Variants in ARMH4 observed in about 807,000 individuals in gnomAD.
ARMH4 encodes armadillo like helical domain containing 4, also known as armadillo-like helical domain-containing protein 4.
A neutral mutation model predicts 61.9 loss-of-function variants in ARMH4; 49 were observed. The observed-to-expected ratio is 0.79, with a 90% CI of 0.63 to 1.00. The LOEUF is 1.00. Ranked by LOEUF, ARMH4 falls within the 50% of genes least tolerant of loss-of-function variation. The pLI is 0.00. For missense variants in ARMH4, 934 were observed against 930.0 expected (o/e 1.00, Z -0.06); for synonymous variants, 368 against 341.5 (o/e 1.08, Z -0.85).
intron 5 of ARMH4, among the ~76,000 whole-genome samples, chr14:58,046,758 G>A (rs866115322): frequency 6.6e-5 from 10 of 152,128 alleles, no homozygotes; most frequent in Non-Finnish European, 8.8e-5. Flanking sequence ...ATCTTGCCCA[G>A]GTTTGAGAAA....
intron 5 of ARMH4, among the ~76,000 whole-genome samples, chr14:58,022,888 T>C (rs1882890761): frequency 6.6e-6 from 1 of 152,202 alleles, no homozygotes; most frequent in Non-Finnish European, 1.5e-5. Context: ...GTCACACAAA[T>C]TTTTTGGTTT....
intron 6 of ARMH4, among the ~76,000 whole-genome samples, chr14:58,010,062 T>C (rs1049593341): frequency 1.3e-5 from 2 of 152,212 alleles, no homozygotes; most frequent in African/African-American, 4.8e-5. Flanking sequence ...CAGAGTGTCC[T>C]GGCTTGCCTG....
intron 1 of ARMH4, among the ~76,000 whole-genome samples, chr14:58,140,514 G>T (rs1887501923): frequency 6.6e-6 from 1 of 152,108 alleles, no homozygotes; most frequent in Admixed American, 6.6e-5. Flanking sequence ...CTGGGAGGCA[G>T]AGGTTGCAGT....
intron 4 of ARMH4, among the ~76,000 whole-genome samples, chr14:58,111,992 C>T (rs2141288362): frequency 6.6e-6 from 1 of 152,280 alleles, no homozygotes; most frequent in East Asian, 1.9e-4. Flanking sequence ...CCCCTCCCAG[C>T]CCTCTTTCTC....
At chr14:58,051,473 T>C (rs779164361) in intron 5 of ARMH4, among the ~76,000 whole-genome samples, 8 of 152,184 alleles carry the variant, frequency 5.3e-5, no homozygotes, top group Admixed American at 2.0e-4. Context: ...TACTGAATGT[T>C]CAACTGATGG....
In ARMH4 at chr14:58,138,626, T is replaced by C; in HGVS notation, c.733A>G (p.Ser245Gly). 1 of 1,614,214 alleles carries C rather than the reference T, an allele frequency of 6.2e-7. No homozygotes were observed. The highest frequency in any genetic ancestry group is 8.5e-7 in the Non-Finnish European group (1 of 1,180,012). The change falls in exon 2 of 8, where the codon AGT becomes GGT. Residue 245 changes from serine to glycine, a missense_variant. Coordinates refer to ENST00000267485, the MANE Select transcript of ARMH4 (RefSeq NM_001001872.4). The part of the protein sequence containing the change: ...SFPGAESTAG[S>G]EPGSLTPDKE... ...TCAGGGGTGAGGCTTCCAGGCTCACTGCCTGCTGTGGACTCAGCACCAGGA... is the reference window on the plus strand; with the variant it reads ...TCAGGGGTGAGGCTTCCAGGCTCACCGCCTGCTGTGGACTCAGCACCAGGA...
chr14:58,030,468 T>C lies in ARMH4; in HGVS notation c.2090-18318A>G, dbSNP rs557953364. On this transcript the variant is annotated intron_variant, in intron 5 of 7. Transcript: ENST00000267485. ...TCCCAATTTTTTTATCGTGGTAATA[T>C]ACACGTGACATAGAAATGACCATCT... Among the ~76,000 whole-genome samples, 6 of 152,358 alleles carry C rather than the reference T, an allele frequency of 3.9e-5. No homozygotes were observed. In the South Asian group the frequency reaches 1.2e-3, roughly 32 times the overall value.
intron 4 of ARMH4, among the ~76,000 whole-genome samples, chr14:58,107,561 C>T (rs1465776237): frequency 6.6e-6 from 1 of 151,966 alleles, no homozygotes; most frequent in Non-Finnish European, 1.5e-5. Flanking sequence ...GTCAGGAGAT[C>T]GAGACCATCC....
chr14:58,032,296 G>C lies in ARMH4; in HGVS notation c.2090-20146C>G, dbSNP rs17094261. Among the ~76,000 whole-genome samples the C allele has an allele frequency of 8.1e-3, 1,240 of 152,210 alleles. 16 individuals carry two copies. The highest frequency in any genetic ancestry group is 0.028 in the African/African-American group (1,157 of 41,528). On this transcript the variant is annotated intron_variant, in intron 5 of 7. Coordinates refer to ENST00000267485, the MANE Select transcript of ARMH4 (RefSeq NM_001001872.4). ...ATCTTCTACCATAATATATTCTAATGAGAACTGAGGCTGTTGTTCTCATAT... is the reference window on the plus strand; with the variant it reads ...ATCTTCTACCATAATATATTCTAATCAGAACTGAGGCTGTTGTTCTCATAT...
intron 4 of ARMH4, among the ~76,000 whole-genome samples, chr14:58,107,040 A>G (rs553995243): frequency 2.0e-5 from 3 of 152,288 alleles, no homozygotes; most frequent in African/African-American, 7.2e-5. Flanking sequence ...GACCCTGAGT[A>G]ATTTTAGTAA....
At position 58,117,012 on chromosome 14, in the gene ARMH4, C is replaced by T. The variant is rs549109992; in HGVS notation, c.1831+14500G>A. On this transcript the variant is annotated intron_variant, in intron 4 of 7. Transcript: ENST00000267485. ...TGTCACCCAGGCTGGAGTACAGCAG[C>T]ACAACCACAGCTCACTGCAGTCTTG... is the stretch of plus-strand genomic sequence containing the variant. Among the ~76,000 whole-genome samples, 124 of 152,296 alleles carry T rather than the reference C, an allele frequency of 8.1e-4. 2 individuals carry two copies. In the East Asian group the frequency reaches 0.023, roughly 28 times the overall value.
chr14:58,017,188 C>T (rs75794801), intron 5 of ARMH4, among the ~76,000 whole-genome samples: 5 of 152,196 alleles, frequency 3.3e-5, no homozygotes, highest in African/African-American at 7.2e-5. Context: ...TAGTGGCACA[C>T]CTGTAGTCTC....
At position 58,074,186 on chromosome 14, in the gene ARMH4, C is replaced by T. The variant is rs116781445; in HGVS notation, c.2089+22538G>A. On this transcript the variant is annotated intron_variant, in intron 5 of 7. Coordinates refer to ENST00000267485, the MANE Select transcript of ARMH4 (RefSeq NM_001001872.4). ...ATAAACTCATGGGGACAACCTCATG[C>T]CAGGCTGCAAGTCCCATGCAGCCAA... 3.6e-3 allele frequency among the ~76,000 whole-genome samples: 555 copies of T among 152,288 alleles called. 5 individuals are homozygous for T. Among genetic ancestry groups the T allele is most frequent in the African/African-American group, 0.012 (509 of 41,566 alleles).
intron 5 of ARMH4, among the ~76,000 whole-genome samples, chr14:58,028,661 G>A (rs1437189057): frequency 6.6e-6 from 1 of 152,248 alleles, no homozygotes; most frequent in East Asian, 1.9e-4. Flanking sequence ...ATTATGTTTG[G>A]TCCAGTGTCC....
intron 5 of ARMH4, among the ~76,000 whole-genome samples, chr14:58,032,061 G>A (rs1179466266): frequency 6.6e-6 from 1 of 152,020 alleles, no homozygotes; most frequent in Non-Finnish European, 1.5e-5. Flanking sequence ...TCTTCCTTCT[G>A]TCTTCACCTT....
chr14:58,148,931 T>G (rs1449598891), intron 1 of ARMH4, among the ~76,000 whole-genome samples: 2 of 151,728 alleles, frequency 1.3e-5, no homozygotes, highest in Non-Finnish European at 2.9e-5. Context: ...CAAGTCAACA[T>G]GCTTGCCAAA....
At chr14:58,015,576 C>T (rs1882581665) in intron 5 of ARMH4, among the ~76,000 whole-genome samples, 1 of 152,044 alleles carries the variant, frequency 6.6e-6, no homozygotes, top group Non-Finnish European at 1.5e-5. Context: ...AGTGAGTTCA[C>T]AATCTTTGAG....
chr14:58,036,065 T>A (rs1350775733), intron 5 of ARMH4, among the ~76,000 whole-genome samples: 1 of 123,048 alleles, frequency 8.1e-6, no homozygotes, highest in African/African-American at 3.0e-5. Context: ...CCAGCATCAT[T>A]CTGATACCAA....
chr14:58,042,543 G>C (rs1247847398), intron 5 of ARMH4, among the ~76,000 whole-genome samples: 1 of 152,032 alleles, frequency 6.6e-6, no homozygotes, highest in African/African-American at 2.4e-5. Flanking sequence ...AAAAGAACTA[G>C]AGAAGCAAGA....
Sources: allele counts gnomAD v4.1 joint callset (sites outside exome capture counted in the v4.1 genomes callset), GRCh38; gene constraint gnomAD v4.1.1; transcripts MANE v1.5; gene names NCBI Gene and HGNC (gene_info 2026-07-23, HGNC 2026-07-21).